Variants in LSM14A observed in about 807,000 individuals in gnomAD.
LSM14A encodes the protein protein LSM14 homolog A.
A neutral mutation model predicts 52.4 loss-of-function variants in LSM14A; 14 were observed. The ratio of observed to expected loss-of-function variants is 0.27; its 90% confidence interval spans 0.18 to 0.42. The LOEUF is 0.42. Among genes scored for constraint, LSM14A ranks in the 10% least tolerant of loss-of-function variants. The pLI is 1.00. For missense variants in LSM14A, 417 were observed against 581.8 expected (o/e 0.72, Z 2.91); for synonymous variants, 185 against 200.3 (o/e 0.92, Z 0.64).
chr19:34,187,077 TAA>T (rs112578311), intron 1 of LSM14A, among the ~76,000 whole-genome samples: 1 of 145,748 alleles, frequency 6.9e-6, no homozygotes, highest in Non-Finnish European at 1.5e-5. Flanking sequence ...GTCTCTAATT[TAA>T]AAAAAAAAAA....
intron 1 of LSM14A, among the ~76,000 whole-genome samples, chr19:34,184,682 A>C (rs1164972972): frequency 6.6e-6 from 1 of 152,166 alleles, no homozygotes; most frequent in Non-Finnish European, 1.5e-5. Context: ...ATATCTTTTC[A>C]CTTTTCTCCC....
At chr19:34,183,043 C>T (rs2069610342) in intron 1 of LSM14A, among the ~76,000 whole-genome samples, 1 of 151,940 alleles carries the variant, frequency 6.6e-6, no homozygotes, top group Admixed American at 6.6e-5. Context: ...CCTGCTTTTT[C>T]ACTCTTATAT....
chr19:34,216,917 T>G (rs1249297772), intron 6 of LSM14A, among the ~76,000 whole-genome samples: 2 of 152,216 alleles, frequency 1.3e-5, no homozygotes, highest in Non-Finnish European at 2.9e-5. Context: ...TCTATGCCTT[T>G]GGGAATGGAA....
intron 1 of LSM14A, among the ~76,000 whole-genome samples, chr19:34,192,307 A>AT (rs2070434588): frequency 1.3e-5 from 1 of 78,750 alleles, no homozygotes. Context: ...CTGAAATAAC[A>AT]TTCTTTTTGT....
rs902805353 is a variant in LSM14A, at chr19:34,179,692, AGAAG to A, written c.121+6938_121+6941del. On this transcript the variant is annotated intron_variant, in intron 1 of 9. Transcript: ENST00000544216. ...CATAAAACTGAAGAAAAAAAATAGT[AGAAG>A]GAAGGAAGTAGGAAGAAAAAAGAAA... 5.9e-5 allele frequency among the ~76,000 whole-genome samples: 9 copies of A among 152,264 alleles called. No individual in the cohort carries two copies. The South Asian group carries it at 1.0e-3, about 18-fold the overall frequency.
At chr19:34,209,146 G>C in intron 4 of LSM14A, 95 bp downstream of exon 4, 2 of 1,081,370 alleles carry the variant, frequency 1.8e-6, no homozygotes, top group Non-Finnish European at 2.6e-6. Context: ...TGTAAATCGC[G>C]TGTATAATTT....
chr19:34,176,546 TAG>T (rs1007003813), intron 1 of LSM14A, among the ~76,000 whole-genome samples: 4 of 152,164 alleles, frequency 2.6e-5, no homozygotes, highest in Admixed American at 2.0e-4. Flanking sequence ...CTCTAAATAA[TAG>T]AGTTTAATTT....
At chr19:34,204,861 A>G (rs2071565112) in intron 3 of LSM14A, among the ~76,000 whole-genome samples, 1 of 152,174 alleles carries the variant, frequency 6.6e-6, no homozygotes, top group Admixed American at 6.5e-5. Context: ...GCTGGGCGCA[A>G]TGGCTCATGC....
chr19:34,177,479 T>A (rs959978739), intron 1 of LSM14A, among the ~76,000 whole-genome samples: 1 of 152,230 alleles, frequency 6.6e-6, no homozygotes, highest in Admixed American at 6.5e-5. Context: ...AACTATAAAC[T>A]ACTCTTGAAA....
intron 4 of LSM14A, among the ~76,000 whole-genome samples, chr19:34,211,659 G>A (rs973838986): frequency 6.6e-6 from 1 of 151,840 alleles, no homozygotes; most frequent in Non-Finnish European, 1.5e-5. Context: ...TATGATGGTG[G>A]ACACCTGTGG....
intron 1 of LSM14A, among the ~76,000 whole-genome samples, chr19:34,193,181 A>C (rs1174620533): frequency 2.0e-5 from 3 of 152,058 alleles, no homozygotes; most frequent in African/African-American, 7.2e-5. Context: ...CTTATTTTGA[A>C]ATAGGGTCTT....
intron 4 of LSM14A, among the ~76,000 whole-genome samples, chr19:34,214,267 C>T (rs2072400257): frequency 2.0e-5 from 3 of 151,478 alleles, no homozygotes; most frequent in Non-Finnish European, 1.5e-5. Context: ...AAGAACTTCA[C>T]CTATCTAACT....
rs2068786045 is a variant in LSM14A at position 34,172,702 on chromosome 19, C to T, written c.60C>T (p.Ile20=). The T allele has an allele frequency of 1.3e-6, 2 of 1,581,840 alleles. No homozygotes were observed. The highest frequency in any genetic ancestry group is 1.4e-5 in the African/African-American group (1 of 71,596). Residue 20 remains isoleucine, a synonymous_variant, in exon 1 of 10, where the codon ATC becomes ATT. Coordinates refer to ENST00000544216, the MANE Select transcript of LSM14A (RefSeq NM_015578.4). ...SKISLISKAE[I]RYEGILYTID... is the part of the protein sequence containing the mutation. ...TCAGCCTCATCTCCAAGGCGGAGAT[C>T]CGCTACGAGGGCATCCTCTACACCA...
In LSM14A at chr19:34,194,548, C is replaced by T; in HGVS notation, c.192C>T (p.Tyr64=). 1.2e-6 allele frequency: 2 copies of T among 1,613,940 alleles called. No individual in the cohort carries two copies. The highest frequency in any genetic ancestry group is 1.7e-6 in the Non-Finnish European group (2 of 1,179,846). The stretch of plus-strand genomic sequence containing the variant: ...CACCTCGAGATGAAGTCTTTGAATA[C>T]ATTATATTCCGTGGGAGTGACATTA... ...PIPPRDEVFE[Y]IIFRGSDIKD... Residue 64 remains tyrosine (Y), a synonymous_variant, in exon 2 of 10, where the codon TAC becomes TAT. Transcript: ENST00000544216.
intron 1 of LSM14A, among the ~76,000 whole-genome samples, chr19:34,181,372 A>T (rs1165379055): frequency 2.6e-5 from 4 of 152,176 alleles, no homozygotes; most frequent in Non-Finnish European, 5.9e-5. Flanking sequence ...AACCCCTTGA[A>T]GAAGTTGTCT....
At chr19:34,212,876 C>T (rs1197332411) in intron 4 of LSM14A, among the ~76,000 whole-genome samples, 1 of 152,056 alleles carries the variant, frequency 6.6e-6, no homozygotes, top group African/African-American at 2.4e-5. Context: ...TACTTGTGAG[C>T]CATAGGATCT....
At chr19:34,199,211 G>A (rs1051176406) in intron 3 of LSM14A, among the ~76,000 whole-genome samples, 4 of 151,826 alleles carry the variant, frequency 2.6e-5, no homozygotes, top group Admixed American at 6.6e-5. Context: ...TGCAACCTCC[G>A]CCTCCCAGGC....
intron 3 of LSM14A, among the ~76,000 whole-genome samples, chr19:34,199,366 A>G (rs1489432308): frequency 6.6e-6 from 1 of 152,096 alleles, no homozygotes; most frequent in African/African-American, 2.4e-5. Flanking sequence ...TGTGACCTTG[A>G]GTGATCCGCC....
At chr19:34,219,647 GTT>G in intron 7 of LSM14A, 57 bp from the exon 8 acceptor site, 1 of 1,571,918 alleles carries the variant, frequency 6.4e-7, no homozygotes, top group Non-Finnish European at 8.7e-7. Flanking sequence ...CAGATTAGGT[GTT>G]TTTATGTAAT....
Sources: allele counts gnomAD v4.1 joint callset (sites outside exome capture counted in the v4.1 genomes callset), GRCh38; gene constraint gnomAD v4.1.1; transcripts MANE v1.5; gene names NCBI Gene and HGNC (gene_info 2026-07-23, HGNC 2026-07-21).